PIK3C2A: variants seen among roughly 807,000 people sequenced by gnomAD.
The protein encoded by PIK3C2A is phosphatidylinositol-4-phosphate 3-kinase catalytic subunit type 2 alpha.
A neutral mutation model predicts 204.5 loss-of-function variants in PIK3C2A; 97 were observed. The ratio of observed to expected loss-of-function variants is 0.47; its 90% CI spans 0.40 to 0.56. The LOEUF is 0.56. Among genes scored for constraint, PIK3C2A ranks in the 20% least tolerant of loss-of-function variants. The pLI is 0.00. For missense variants in PIK3C2A, 1,735 were observed against 1,969.2 expected (o/e 0.88, Z 2.25); for synonymous variants, 653 against 664.4 (o/e 0.98, Z 0.26).
At chr11:17,201,413 G>C (rs1413669899) in intron 1 of PIK3C2A, among the ~76,000 whole-genome samples, 2 of 150,494 alleles carry the variant, frequency 1.3e-5, no homozygotes, top group African/African-American at 4.9e-5. Flanking sequence ...TGTAATCCCA[G>C]CTACTTGAGA....
At chr11:17,178,602 G>A (rs564327589) in intron 1 of PIK3C2A, among the ~76,000 whole-genome samples, 28 of 151,728 alleles carry the variant, frequency 1.8e-4, no homozygotes, top group African/African-American at 5.8e-4. Flanking sequence ...TTGCTCTGTC[G>A]CCCAGGCTGG....
chr11:17,205,610 G>C (rs1030838889), intron 1 of PIK3C2A, among the ~76,000 whole-genome samples: 1 of 151,882 alleles, frequency 6.6e-6, no homozygotes, highest in African/African-American at 2.4e-5. Flanking sequence ...CACTCTTTAG[G>C]TATAAGTTCA....
chr11:17,168,916 G>A lies in PIK3C2A; in HGVS notation c.826C>T (p.Leu276=). 6.2e-7 allele frequency: 1 copy of A among 1,614,074 alleles called. No homozygotes were observed. Among genetic ancestry groups the A allele is most frequent in the Non-Finnish European group, 8.5e-7 (1 of 1,179,968 alleles). Residue 276 remains leucine (L), a synonymous_variant, in exon 2 of 33, where the codon CTA becomes TTA. Coordinates refer to ENST00000691414, the MANE Select transcript of PIK3C2A (RefSeq NM_002645.4). ...ACATTATCCACCTTAGGCTTACTTA[G>A]AGGATCCAAGTCTAACCAGTCAAAT... ...SKFDWLDLDP[L]SKPKVDNVEV...
At chr11:17,106,411 A>C (rs999799615) in intron 22 of PIK3C2A, among the ~76,000 whole-genome samples, 1 of 151,912 alleles carries the variant, frequency 6.6e-6, no homozygotes, top group Admixed American at 6.6e-5. Context: ...CCCTGTCTTC[A>C]AAAAAAATAA....
intron 1 of PIK3C2A, among the ~76,000 whole-genome samples, chr11:17,203,332 G>GA (rs994667542): frequency 1.3e-3 from 162 of 127,016 alleles, no homozygotes; most frequent in African/African-American, 4.3e-3. Context: ...ATCTCTATTA[G>GA]AAAAAAAAAA....
chr11:17,115,101 C>A (rs1849135128), intron 19 of PIK3C2A, among the ~76,000 whole-genome samples: 1 of 151,962 alleles, frequency 6.6e-6, no homozygotes, highest in Admixed American at 6.6e-5. Flanking sequence ...TGCCTTTTTG[C>A]AGCAATGGAT....
At chr11:17,135,405 T>C (rs1338799185) in intron 9 of PIK3C2A, among the ~76,000 whole-genome samples, 3 of 152,154 alleles carry the variant, frequency 2.0e-5, no homozygotes, top group Non-Finnish European at 4.4e-5. Context: ...CAAAATCTGC[T>C]TGGTTAATAC....
At chr11:17,162,094 G>A (rs1850792474) in intron 2 of PIK3C2A, among the ~76,000 whole-genome samples, 1 of 152,122 alleles carries the variant, frequency 6.6e-6, no homozygotes, top group Admixed American at 6.5e-5. Context: ...CCAGCACTTT[G>A]GGAGGCTGAG....
At chr11:17,126,762 C>G (rs182262423) in intron 13 of PIK3C2A, among the ~76,000 whole-genome samples, 1 of 152,200 alleles carries the variant, frequency 6.6e-6, no homozygotes, top group African/African-American at 2.4e-5. Context: ...ACTATTTTAA[C>G]AGCAGAGTGT....
rs375226210 is a variant in PIK3C2A, at chr11:17,091,315, A to T, written c.4878+19T>A. 1.9e-4 allele frequency: 298 copies of T among 1,596,160 alleles called. No individual in the cohort carries two copies. The African/African-American group carries it at 3.6e-3, about 19-fold the overall frequency. On this transcript the variant is annotated intron_variant, in intron 32 of 32. Coordinates refer to ENST00000691414, the MANE Select transcript of PIK3C2A (RefSeq NM_002645.4). ...AAAATAATAAACCAAGGAAACTTCTAGAAATGATTTTAACTTACCATTTCA... is the reference window on the plus strand; with the variant it reads ...AAAATAATAAACCAAGGAAACTTCTTGAAATGATTTTAACTTACCATTTCA...
At chr11:17,100,006 T>A (rs1256306533) in intron 25 of PIK3C2A, 37 bp from the exon 26 acceptor site, 7 of 974,590 alleles carry the variant, frequency 7.2e-6, no homozygotes, top group Non-Finnish European at 1.1e-5. Context: ...GAGTTAAATT[T>A]TTTAAAACAT....
chr11:17,179,980 G>C (rs563945393), intron 1 of PIK3C2A, among the ~76,000 whole-genome samples: 2 of 152,218 alleles, frequency 1.3e-5, no homozygotes, highest in Non-Finnish European at 2.9e-5. Flanking sequence ...TCAGCATAAA[G>C]GCCTCCTAAT....
At position 17,112,158 on chromosome 11, in the gene PIK3C2A, C is replaced by T. The variant is rs536856104; in HGVS notation, c.3414+416G>A. Among the ~76,000 whole-genome samples the T allele has an allele frequency of 3.3e-5, 5 of 152,030 alleles. No individual in the cohort carries two copies. The East Asian group carries it at 5.8e-4, about 18-fold the overall frequency. On this transcript the variant is annotated intron_variant, in intron 21 of 32. Transcript: ENST00000691414. ...AAATGTACAAATCATGATCAAAACA[C>T]GTAAAATTTTTGGCTGGGCGCGATG...
At chr11:17,093,972 T>G (rs1296133259) in intron 28 of PIK3C2A, among the ~76,000 whole-genome samples, 6 of 152,292 alleles carry the variant, frequency 3.9e-5, no homozygotes, top group African/African-American at 1.2e-4. Flanking sequence ...AGATGCCAAA[T>G]TATTATCTTG....
intron 6 of PIK3C2A, among the ~76,000 whole-genome samples, chr11:17,146,399 A>G (rs555187256): frequency 1.3e-5 from 2 of 152,114 alleles, no homozygotes; most frequent in African/African-American, 4.8e-5. Flanking sequence ...CTAAGTCTAC[A>G]TTACGCAAAT....
At chr11:17,196,912 A>C (rs1852181157) in intron 1 of PIK3C2A, among the ~76,000 whole-genome samples, 1 of 152,118 alleles carries the variant, frequency 6.6e-6, no homozygotes, top group South Asian at 2.1e-4. Context: ...GTCAGGGAAA[A>C]AAAAATTGGA....
intron 2 of PIK3C2A, among the ~76,000 whole-genome samples, chr11:17,156,937 C>T (rs1850614887): frequency 6.6e-6 from 1 of 152,024 alleles, no homozygotes; most frequent in African/African-American, 2.4e-5. Context: ...CCCAGAAGTT[C>T]GAGGCCAGCC....
At chr11:17,102,023 A>G (rs1848651042) in intron 24 of PIK3C2A, among the ~76,000 whole-genome samples, 1 of 152,258 alleles carries the variant, frequency 6.6e-6, no homozygotes. Context: ...ACATACCCAA[A>G]GAGATCAAAC....
At chr11:17,147,740 GAC>G (rs1440737720) in intron 5 of PIK3C2A, 112 bp from the exon 6 acceptor site, 5 of 614,666 alleles carry the variant, frequency 8.1e-6, no homozygotes, top group Non-Finnish European at 1.4e-5. Context: ...GTGAAACAGA[GAC>G]AGTTTTAAAA....
Sources: allele counts gnomAD v4.1 joint callset (sites outside exome capture counted in the v4.1 genomes callset), GRCh38; gene constraint gnomAD v4.1.1; transcripts MANE v1.5; gene names NCBI Gene and HGNC (gene_info 2026-07-23, HGNC 2026-07-21).